MED13: variants seen among roughly 807,000 people sequenced by gnomAD.
MED13 encodes the protein mediator of RNA polymerase II transcription subunit 13.
In MED13, 23 loss-of-function variants were observed where a neutral mutation model predicts 225.2. The ratio of observed to expected loss-of-function variants is 0.10; its 90% CI spans 0.07 to 0.14. The LOEUF (loss-of-function observed/expected upper bound fraction) is 0.14. Among genes scored for constraint, MED13 ranks in the 10% least tolerant of loss-of-function variants. The pLI is 1.00. For synonymous variants in MED13, 942 were observed against 889.2 expected (o/e 1.06, Z -1.06); for missense variants, 2,197 against 2,594.5 (o/e 0.85, Z 3.33).
At chr17:61,997,093 T>C (rs1164214681) in intron 9 of MED13, among the ~76,000 whole-genome samples, 1 of 152,182 alleles carries the variant, frequency 6.6e-6, no homozygotes, top group African/African-American at 2.4e-5. Flanking sequence ...CTGGTAGCAA[T>C]GAAGGTATTT....
At chr17:62,059,219 T>C (rs1451665784) in intron 2 of MED13, among the ~76,000 whole-genome samples, 2 of 152,236 alleles carry the variant, frequency 1.3e-5, no homozygotes, top group Non-Finnish European at 2.9e-5. Flanking sequence ...GTATCAATAT[T>C]GGTTCATTAG....
chr17:62,022,174 AATAT>A (rs35902303), intron 8 of MED13, among the ~76,000 whole-genome samples: 37 of 141,302 alleles, frequency 2.6e-4, no homozygotes, highest in South Asian at 8.8e-4. Flanking sequence ...TCAAAAAAAA[AATAT>A]ATATATATAT....
intron 16 of MED13, among the ~76,000 whole-genome samples, chr17:61,973,144 G>C (rs551129959): frequency 6.6e-6 from 1 of 152,108 alleles, no homozygotes; most frequent in Non-Finnish European, 1.5e-5. Context: ...TTCATTAGCT[G>C]ATTAATCAAT....
chr17:62,051,764 T>C (rs997878449), intron 3 of MED13, among the ~76,000 whole-genome samples: 1 of 152,180 alleles, frequency 6.6e-6, no homozygotes, highest in Non-Finnish European at 1.5e-5. Flanking sequence ...CAGGAAAAAT[T>C]AGTAAGTTCC....
At chr17:62,054,652 A>T (rs1186252571) in intron 2 of MED13, among the ~76,000 whole-genome samples, 2 of 152,210 alleles carry the variant, frequency 1.3e-5, no homozygotes, top group African/African-American at 4.8e-5. Context: ...TCTGCTTTCA[A>T]TTTAATGAGG....
chr17:62,000,752 AGTTTT>A (rs966840680), intron 9 of MED13, among the ~76,000 whole-genome samples: 1 of 151,926 alleles, frequency 6.6e-6, no homozygotes, highest in African/African-American at 2.4e-5. Context: ...GTGTATCAAT[AGTTTT>A]GTTTTTTGTT....
chr17:61,964,771 A>T (rs1317056767), intron 20 of MED13, among the ~76,000 whole-genome samples: 2 of 152,040 alleles, frequency 1.3e-5, no homozygotes, highest in African/African-American at 2.4e-5. Context: ...CCCTGTCTCT[A>T]CTAAAAATAC....
At chr17:61,947,848 G>A (rs2079863772) in intron 28 of MED13, among the ~76,000 whole-genome samples, 1 of 152,180 alleles carries the variant, frequency 6.6e-6, no homozygotes, top group South Asian at 2.1e-4. Context: ...AAAAAGCTAT[G>A]ATAAAACAAT....
intron 16 of MED13, among the ~76,000 whole-genome samples, chr17:61,980,946 A>C (rs992532883): frequency 1.3e-5 from 2 of 151,790 alleles, no homozygotes; most frequent in Non-Finnish European, 2.9e-5. Context: ...GGCTGGTCTC[A>C]AACTCCTGGC....
At chr17:62,022,144 G>A (rs1473659385) in intron 8 of MED13, among the ~76,000 whole-genome samples, 1 of 147,276 alleles carries the variant, frequency 6.8e-6, no homozygotes, top group African/African-American at 2.5e-5. Context: ...CTTCAGCCTG[G>A]GCAACAGAGC....
At position 61,984,773 on chromosome 17, in the gene MED13, A is replaced by G; in HGVS notation, c.2569T>C (p.Tyr857His). ...CCAGGTGTTGTATCCATACTACCAT[A>G]TTCTTTATTATTCATATTCATTGGG... is the stretch of plus-strand genomic sequence containing the variant. Reference protein sequence around the residue: ...FSPMNMNNKEYGSMDTTPGGT... With the variant: ...FSPMNMNNKEHGSMDTTPGGT... Residue 857 changes from tyrosine to histidine, a missense_variant, in exon 14 of 30, where the codon TAT becomes CAT. Physicochemically the swap from Tyr to His is moderately conservative, Grantham distance 83. Transcript: ENST00000397786. 3.1e-6 allele frequency: 5 copies of G among 1,612,956 alleles called. No individual in the cohort carries two copies. The highest frequency in any genetic ancestry group is 2.2e-5 in the East Asian group (1 of 44,834).
intron 8 of MED13, among the ~76,000 whole-genome samples, chr17:62,016,260 G>A (rs1004791382): frequency 1.3e-5 from 2 of 150,626 alleles, no homozygotes; most frequent in South Asian, 2.1e-4. Context: ...GCCCAGGCTG[G>A]AACACAGTGC....
intron 4 of MED13, 70 bp downstream of exon 4, chr17:62,035,393 G>T: frequency 7.7e-7 from 1 of 1,293,946 alleles, no homozygotes; most frequent in Non-Finnish European, 1.0e-6. Context: ...ATCCCCAAAT[G>T]TAAAATTATG....
chr17:62,028,323 A>G lies in MED13; in HGVS notation c.1283+1218T>C, dbSNP rs114329217. ...AGCCAATTACTGCCTGTTCTCACCTATAAGTGGTAGCTAAATGATGAGAAC... is the reference window on the plus strand; with the variant it reads ...AGCCAATTACTGCCTGTTCTCACCTGTAAGTGGTAGCTAAATGATGAGAAC... On this transcript the variant is annotated intron_variant, in intron 8 of 29. Transcript: ENST00000397786. Among the ~76,000 whole-genome samples the G allele has an allele frequency of 4.0e-3, 610 of 152,274 alleles. 4 individuals are homozygous for G. The highest frequency in any genetic ancestry group is 0.014 in the African/African-American group (589 of 41,544).
Position 62,063,128 on chromosome 17 carries a change from C to T in MED13, c.240G>A (p.Leu80=). 1 of 1,614,170 alleles carries T rather than the reference C, an allele frequency of 6.2e-7. No homozygotes were observed. Among genetic ancestry groups the T allele is most frequent in the Non-Finnish European group, 8.5e-7 (1 of 1,180,012 alleles). ...GGTCTTCACCCCACCAAAATATCCACAATTCTCTTCTTCCAGGTCTTTGAT... is the reference window on the plus strand; with the variant it reads ...GGTCTTCACCCCACCAAAATATCCATAATTCTCTTCTTCCAGGTCTTTGAT... ...RRDQRPGRRE[L]WIFWWGEDPS... is the part of the protein sequence containing the mutation. The change falls in exon 2 of 30, where the codon TTG becomes TTA. Residue 80 remains leucine (L), a synonymous_variant. Transcript: ENST00000397786.
intron 6 of MED13, 140 bp from the exon 7 acceptor site, chr17:62,030,153 G>C: frequency 1.2e-6 from 1 of 854,834 alleles, no homozygotes; most frequent in South Asian, 3.0e-5. Flanking sequence ...TAAAAAGCAT[G>C]CTACTTTTTG....
At chr17:61,993,862 C>G (rs2080323967) in intron 10 of MED13, among the ~76,000 whole-genome samples, 1 of 151,418 alleles carries the variant, frequency 6.6e-6, no homozygotes, top group Non-Finnish European at 1.5e-5. Flanking sequence ...ATCAGGGAGG[C>G]GAAGGTTGCA....
intron 8 of MED13, among the ~76,000 whole-genome samples, chr17:62,014,331 T>TATATATATATATATATATATA (rs1567978300): frequency 5.4e-5 from 8 of 149,402 alleles, no homozygotes; most frequent in African/African-American, 1.7e-4. Flanking sequence ...TATATATATA[T>TATATATATATATATATATATA]TTTGAGACAC....
chr17:61,973,680 C>T (rs2080128603), intron 16 of MED13, among the ~76,000 whole-genome samples: 1 of 152,126 alleles, frequency 6.6e-6, no homozygotes, highest in Admixed American at 6.6e-5. Flanking sequence ...CCCCAATTTC[C>T]TATACCTAAA....
Sources: allele counts gnomAD v4.1 joint callset (sites outside exome capture counted in the v4.1 genomes callset), GRCh38; gene constraint gnomAD v4.1.1; transcripts MANE v1.5; gene names NCBI Gene and HGNC (gene_info 2026-07-23, HGNC 2026-07-21).